The following DLG1 variants were observed in gnomAD, a reference collection of about 807,000 sequenced individuals.
DLG1 encodes the protein discs large MAGUK scaffold protein 1.
DLG1 carries 42 observed loss-of-function variants against 123.4 expected under a neutral mutation model. The ratio of observed to expected loss-of-function variants is 0.34; its 90% CI spans 0.27 to 0.44. The LOEUF is 0.44. DLG1 is among the 20% of genes least tolerant of loss of function. The pLI is 1.00. For synonymous variants in DLG1, 317 were observed against 356.2 expected (o/e 0.89, Z 1.24); for missense variants, 942 against 1,082.6 (o/e 0.87, Z 1.82).
At chr3:197,184,174 G>C in intron 5 of DLG1, 3 of 982,412 alleles carry the variant, frequency 3.1e-6, no homozygotes, top group Non-Finnish European at 3.7e-6. Context: ...CGATTAGCAG[G>C]TAAAGAAGGA....
chr3:197,275,188 A>G (rs901389271), intron 4 of DLG1, among the ~76,000 whole-genome samples: 1 of 151,160 alleles, frequency 6.6e-6, no homozygotes, highest in Middle Eastern at 3.2e-3. Context: ...TCTGTCTCAA[A>G]AAAAAAAAAA....
chr3:197,281,964 G>A (rs1769579181), intron 4 of DLG1, among the ~76,000 whole-genome samples: 1 of 152,056 alleles, frequency 6.6e-6, no homozygotes. Context: ...CAGAAACATC[G>A]CATTTTCCAG....
intron 11 of DLG1, among the ~76,000 whole-genome samples, chr3:197,124,338 G>A (rs765692025): frequency 3.3e-5 from 5 of 152,252 alleles, no homozygotes; most frequent in Admixed American, 6.5e-5. Context: ...ACAGTGGCGC[G>A]ATCTCAGCTC....
chr3:197,073,574 CATT>C (rs1745396137), intron 18 of DLG1, among the ~76,000 whole-genome samples: 1 of 152,194 alleles, frequency 6.6e-6, no homozygotes, highest in African/African-American at 2.4e-5. Context: ...ATTGTACTCT[CATT>C]AGTTCTGTTT....
rs76548324 is a variant in DLG1 at position 197,187,973 on chromosome 3, A to G, written c.483+6452T>C. Among the ~76,000 whole-genome samples, 179 of 152,294 alleles carry G rather than the reference A, an allele frequency of 1.2e-3. 2 individuals are homozygous for G. The East Asian group carries it at 0.029, about 24-fold the overall frequency. ...TATCTTTATGCCAAGCCCTGAATAA[A>G]GTAACCCAATCACTATCTTACTTTA... is the stretch of plus-strand genomic sequence containing the variant. On this transcript the variant is annotated intron_variant, in intron 5 of 24. Transcript: ENST00000667157.
At chr3:197,090,230 A>G (rs2149166420) in intron 15 of DLG1, among the ~76,000 whole-genome samples, 1 of 152,178 alleles carries the variant, frequency 6.6e-6, no homozygotes, top group South Asian at 2.1e-4. Context: ...TAAAGTTATC[A>G]GTTAAAGTTC....
At chr3:197,197,850 A>G (rs1723351568) in intron 4 of DLG1, among the ~76,000 whole-genome samples, 1 of 152,244 alleles carries the variant, frequency 6.6e-6, no homozygotes, top group African/African-American at 2.4e-5. Context: ...CCTGACATTT[A>G]CAGTCAATTG....
intron 5 of DLG1, among the ~76,000 whole-genome samples, chr3:197,161,433 C>T (rs898530961): frequency 6.6e-6 from 1 of 152,118 alleles, no homozygotes; most frequent in African/African-American, 2.4e-5. Context: ...TTCATTGTGT[C>T]CCATTTCACA....
intron 13 of DLG1, among the ~76,000 whole-genome samples, chr3:197,112,187 G>A (rs994267371): frequency 6.6e-6 from 1 of 152,186 alleles, no homozygotes; most frequent in Non-Finnish European, 1.5e-5. Flanking sequence ...GTGGGATATA[G>A]TATTTCATTA....
At chr3:197,161,795 A>G (rs938390706) in intron 5 of DLG1, 22 of 1,094,866 alleles carry the variant, frequency 2.0e-5, no homozygotes, top group South Asian at 1.1e-4. Flanking sequence ...AGGGAAACAC[A>G]TAACAAAAAG....
rs779539639 is a variant in DLG1 at position 197,136,641 on chromosome 3, C to A, written c.921G>T (p.Gln307His). The change falls in exon 10 of 25, where the codon CAG becomes CAT. Residue 307 changes from glutamine to histidine, a missense_variant. Transcript: ENST00000667157. ...GFSIAGGVGN[Q>H]HIPGDNSIYV... Reference sequence around the variant, plus strand: ...AGATGCTATTATCCCCAGGAATATGCTGATTTCCAACACCTCCAGCAATGC... The same window carrying A: ...AGATGCTATTATCCCCAGGAATATGATGATTTCCAACACCTCCAGCAATGC... 2.8e-5 allele frequency: 45 copies of A among 1,613,120 alleles called. No homozygotes were observed. The highest frequency in any genetic ancestry group is 3.5e-5 in the Non-Finnish European group (41 of 1,179,672).
intron 4 of DLG1, among the ~76,000 whole-genome samples, chr3:197,267,978 A>C (rs1762411521): frequency 6.6e-6 from 1 of 152,238 alleles, no homozygotes; most frequent in African/African-American, 2.4e-5. Flanking sequence ...TTCTAAAAGA[A>C]AAAAGGATTA....
At chr3:197,150,988 A>C (rs1793579921) in intron 5 of DLG1, among the ~76,000 whole-genome samples, 1 of 152,104 alleles carries the variant, frequency 6.6e-6, no homozygotes, top group Non-Finnish European at 1.5e-5. Flanking sequence ...ATAATAGTCT[A>C]CCTTTGAATA....
At chr3:197,173,178 T>A (rs1333434881) in intron 5 of DLG1, among the ~76,000 whole-genome samples, 1 of 152,146 alleles carries the variant, frequency 6.6e-6, no homozygotes, top group East Asian at 1.9e-4. Flanking sequence ...TTACCAACCC[T>A]CTAGCTAAAA....
chr3:197,291,551 C>T (rs1359536843), intron 3 of DLG1, among the ~76,000 whole-genome samples: 1 of 152,136 alleles, frequency 6.6e-6, no homozygotes, highest in African/African-American at 2.4e-5. Context: ...AGATTACTAA[C>T]CCTAAAGATT....
intron 4 of DLG1, among the ~76,000 whole-genome samples, chr3:197,256,219 T>C (rs1422524023): frequency 6.6e-6 from 1 of 152,176 alleles, no homozygotes; most frequent in Non-Finnish European, 1.5e-5. Context: ...TCTGTAAAAG[T>C]CTAGAGAGTA....
At chr3:197,296,104 A>C (rs143399716) in intron 3 of DLG1, among the ~76,000 whole-genome samples, 11 of 152,344 alleles carry the variant, frequency 7.2e-5, no homozygotes, top group African/African-American at 2.6e-4. Context: ...TTTAATAGTT[A>C]ATGCTATTAA....
At chr3:197,161,505 C>T (rs1798746775) in intron 5 of DLG1, 3 of 498,206 alleles carry the variant, frequency 6.0e-6, no homozygotes, top group Non-Finnish European at 6.9e-6. Context: ...TGTTTAAGTC[C>T]CTAAAACTAC....
At chr3:197,147,469 C>CAT (rs1791493965) in intron 6 of DLG1, among the ~76,000 whole-genome samples, 1 of 137,304 alleles carries the variant, frequency 7.3e-6, no homozygotes, top group African/African-American at 2.8e-5. Context: ...CACACACACA[C>CAT]ACCATGGAAT....
Sources: allele counts gnomAD v4.1 joint callset (sites outside exome capture counted in the v4.1 genomes callset), GRCh38; gene constraint gnomAD v4.1.1; transcripts MANE v1.5; gene names NCBI Gene and HGNC (gene_info 2026-07-23, HGNC 2026-07-21).